Variants in GP6 observed in about 807,000 individuals in gnomAD.
The protein encoded by GP6 is glycoprotein VI platelet.
In GP6, 45 loss-of-function variants were observed where a neutral mutation model predicts 37.3. The ratio of observed to expected loss-of-function variants is 1.21; its 90% CI spans 0.95 to 1.55. GP6 has a LOEUF of 1.55. Among genes scored for constraint, GP6 ranks in the 40% most tolerant of loss-of-function variants. GP6 has a pLI of 0.00. For missense variants in GP6, 813 were observed against 760.2 expected (o/e 1.07, Z -0.82); for synonymous variants, 340 against 316.4 (o/e 1.07, Z -0.79).
At chr19:55,036,207 T>C (rs1224301589) in intron 1 of GP6, among the ~76,000 whole-genome samples, 1 of 152,026 alleles carries the variant, frequency 6.6e-6, no homozygotes, top group Non-Finnish European at 1.5e-5. Flanking sequence ...GCTGTGGGTA[T>C]GCAAAGGCAT....
chr19:55,028,686 A>T (rs1481125154), intron 3 of GP6, among the ~76,000 whole-genome samples: 2 of 152,222 alleles, frequency 1.3e-5, no homozygotes, highest in Non-Finnish European at 2.9e-5. Flanking sequence ...TAAATAAAAA[A>T]CTTGTCCAAG....
chr19:55,020,133 C>T (rs1197977691), intron 5 of GP6, among the ~76,000 whole-genome samples: 2 of 151,338 alleles, frequency 1.3e-5, no homozygotes, highest in Non-Finnish European at 1.5e-5. Flanking sequence ...GCTCAGCTCT[C>T]GGTGGCATAA....
intron 3 of GP6, among the ~76,000 whole-genome samples, chr19:55,029,644 C>T (rs1489460512): frequency 6.6e-6 from 1 of 151,312 alleles, no homozygotes; most frequent in Non-Finnish European, 1.5e-5. Context: ...TCCACCTCGG[C>T]CTCCCAAAGT....
At chr19:55,030,533 G>C (rs1051610767) in intron 3 of GP6, among the ~76,000 whole-genome samples, 8 of 151,968 alleles carry the variant, frequency 5.3e-5, no homozygotes, top group African/African-American at 1.4e-4. Flanking sequence ...AGTAGAGACG[G>C]GGTTTCACCA....
In GP6 at chr19:55,032,412, G is replaced by A. The variant is rs374599246; in HGVS notation, c.68-16C>T. On this transcript the variant is annotated splice_polypyrimidine_tract_variant and intron_variant, in intron 2 of 7. Coordinates refer to ENST00000310373, the MANE Select transcript of GP6 (RefSeq NM_001083899.2). ...GGGAGCGGTCCTGGAAGAGGAGCAGGGCTGGGTCAGCCTCCCCGCAGACCC... is the reference window on the plus strand; with the variant it reads ...GGGAGCGGTCCTGGAAGAGGAGCAGAGCTGGGTCAGCCTCCCCGCAGACCC... 5 of 1,611,942 alleles carry A rather than the reference G, an allele frequency of 3.1e-6. No individual in the cohort carries two copies. Among genetic ancestry groups the A allele is most frequent in the Non-Finnish European group, 4.2e-6 (5 of 1,179,078 alleles).
chr19:55,036,068 G>A lies in GP6; in HGVS notation c.34+2135C>T, dbSNP rs1340603730. On this transcript the variant is annotated intron_variant, in intron 1 of 7. Transcript: ENST00000310373. ...AGCCTTGGTGAGAGAGCGAGATTCCGTCTTTAAAAAAAAAAAAAAAAAGTC... is the reference window on the plus strand; with the variant it reads ...AGCCTTGGTGAGAGAGCGAGATTCCATCTTTAAAAAAAAAAAAAAAAAGTC... 6.5e-5 allele frequency among the ~76,000 whole-genome samples: 9 copies of A among 138,754 alleles called. No individual in the cohort carries two copies. The South Asian group carries it at 1.2e-3, about 19-fold the overall frequency. The allele number at this position is 138,754 out of a possible 152,430, so 91.0% of individuals were successfully genotyped here.
intron 5 of GP6, 188 bp from the exon 6 acceptor site, chr19:55,018,899 T>C (rs985223426): frequency 4.6e-6 from 3 of 655,414 alleles, no homozygotes; most frequent in Non-Finnish European, 8.3e-6. Context: ...AAGAAGCAGA[T>C]CCGTTCAGCA....
chr19:55,021,255 T>G (rs1200644729), intron 5 of GP6, among the ~76,000 whole-genome samples: 2 of 147,712 alleles, frequency 1.4e-5, no homozygotes, highest in African/African-American at 5.0e-5. Flanking sequence ...TCCCAGTTAC[T>G]TAGGAGGCTG....
chr19:55,018,847 A>C, intron 5 of GP6, 136 bp from the exon 6 acceptor site: 1 of 733,316 alleles, frequency 1.4e-6, no homozygotes. Context: ...AAGACAGACA[A>C]ATTCGAAAGG....
At chr19:55,015,317 G>A (rs946558718) in intron 7 of GP6, 152 bp from the exon 8 acceptor site, 1 of 1,268,260 alleles carries the variant, frequency 7.9e-7, no homozygotes, top group Non-Finnish European at 1.1e-6. Context: ...TCCCGAGTAG[G>A]GGTCAGGGCC....
Position 55,014,740 on chromosome 19 carries a change from C to T in GP6, c.1205G>A (p.Cys402Tyr), listed in dbSNP as rs1254344435. The change falls in exon 8 of 8, where the codon TGT becomes TAT. Residue 402 changes from cysteine to tyrosine, a missense_variant. By Grantham distance (194) the Cys-to-Tyr change is radical. Transcript: ENST00000310373. The stretch of plus-strand genomic sequence containing the variant: ...GGGTGCCCTCAGACAGAGAGGCAGA[C>T]AGACAGACAGACACTGGCCGAACGG... The T allele has an allele frequency of 6.2e-7, 1 of 1,613,856 alleles. No individual in the cohort carries two copies.
intron 1 of GP6, among the ~76,000 whole-genome samples, chr19:55,035,446 G>A (rs751884173): frequency 3.0e-4 from 45 of 152,332 alleles, no homozygotes; most frequent in Non-Finnish European, 5.9e-4. Context: ...CCGGCCGGGC[G>A]CGCTGGCTCA....
chr19:55,017,419 A>G (rs2073916132), intron 6 of GP6, among the ~76,000 whole-genome samples: 1 of 152,122 alleles, frequency 6.6e-6, no homozygotes, highest in Non-Finnish European at 1.5e-5. Context: ...TACTGTAAAA[A>G]TTGCTGTAAT....
rs376347923 is a variant in GP6 at position 55,018,820 on chromosome 19, A to T, written c.665-109T>A. 10 of 788,910 alleles carry T rather than the reference A, an allele frequency of 1.3e-5. No homozygotes were observed. The African/African-American group carries it at 1.3e-4, about 11-fold the overall frequency. The allele number at this position is 788,910 out of a possible 1,614,324, so 48.9% of individuals were successfully genotyped here. ...GCTCCCTGAAACCCCTTTCTCTGACACACTGCACAGACACTGAAGACAGAC... is the reference window on the plus strand; with the variant it reads ...GCTCCCTGAAACCCCTTTCTCTGACTCACTGCACAGACACTGAAGACAGAC... On this transcript the variant is annotated intron_variant, in intron 5 of 7. Transcript: ENST00000310373.
At chr19:55,024,327 T>TGCACGCACACACAC (rs1568613211) in intron 5 of GP6, among the ~76,000 whole-genome samples, 2 of 30,214 alleles carry the variant, frequency 6.6e-5, no homozygotes, top group Non-Finnish European at 2.0e-4. Context: ...CACACACACA[T>TGCACGCACACACAC]ATGCACGCAC....
At chr19:55,026,160 G>T (rs1188844602) in intron 4 of GP6, among the ~76,000 whole-genome samples, 1 of 152,098 alleles carries the variant, frequency 6.6e-6, no homozygotes, top group Non-Finnish European at 1.5e-5. Context: ...TGACCCTGGG[G>T]GCAAAACAGA....
chr19:55,017,000 G>A (rs2073900424), intron 6 of GP6, among the ~76,000 whole-genome samples: 1 of 151,970 alleles, frequency 6.6e-6, no homozygotes, highest in African/African-American at 2.4e-5. Context: ...CGAAATCACA[G>A]ATCACAGAGT....
At chr19:55,020,191 A>G (rs1335109325) in intron 5 of GP6, among the ~76,000 whole-genome samples, 18 of 118,460 alleles carry the variant, frequency 1.5e-4, no homozygotes, top group Non-Finnish European at 3.2e-4. Flanking sequence ...TTCGTGTGAG[A>G]TGCATTAATA....
At chr19:55,016,753 TTAA>T (rs936808471) in intron 6 of GP6, among the ~76,000 whole-genome samples, 36 of 151,672 alleles carry the variant, frequency 2.4e-4, no homozygotes, top group African/African-American at 8.7e-4. Flanking sequence ...AACCCAAATA[TTAA>T]TAAGACATTG....
Sources: allele counts gnomAD v4.1 joint callset (sites outside exome capture counted in the v4.1 genomes callset), GRCh38; gene constraint gnomAD v4.1.1; transcripts MANE v1.5; gene names NCBI Gene and HGNC (gene_info 2026-07-23, HGNC 2026-07-21).